Variants in FNBP4 observed in about 807,000 individuals in gnomAD.
The protein encoded by FNBP4 is formin-binding protein 4.
In FNBP4, 34 loss-of-function variants were observed where a neutral mutation model predicts 119.3. The observed-to-expected ratio is 0.28, with a 90% CI of 0.22 to 0.38. FNBP4 has a LOEUF of 0.38. Among genes scored for constraint, FNBP4 ranks in the 10% least tolerant of loss-of-function variants. The probability of loss-of-function intolerance (pLI) is 1.00; values close to 1 mark genes in which losing one functional copy is unlikely to be tolerated. For missense variants in FNBP4, 1,112 were observed against 1,228.9 expected, an observed-to-expected ratio of 0.90 and a Z score of 1.42; for synonymous variants, 462 against 430.6, an observed-to-expected ratio of 1.07 and a Z score of -0.90.
intron 14 of FNBP4, 68 bp downstream of exon 14, chr11:47,723,960 A>T: frequency 1.4e-6 from 2 of 1,405,042 alleles, no homozygotes; most frequent in South Asian, 1.4e-5. Flanking sequence ...TTTAGTTTTT[A>T]TGGCATCTAA....
At chr11:47,740,691 T>C (rs1260671413) in intron 8 of FNBP4, among the ~76,000 whole-genome samples, 1 of 151,608 alleles carries the variant, frequency 6.6e-6, no homozygotes, top group Non-Finnish European at 1.5e-5. Context: ...CCTCCTGGGT[T>C]CAGGTGATTT....
intron 16 of FNBP4, among the ~76,000 whole-genome samples, chr11:47,718,799 G>A (rs1599150461): frequency 6.6e-6 from 1 of 151,776 alleles, no homozygotes; most frequent in Non-Finnish European, 1.5e-5. Context: ...TACTTGCTGT[G>A]TCTAAAGTCT....
intron 8 of FNBP4, among the ~76,000 whole-genome samples, chr11:47,743,495 GA>G (rs947420222): frequency 5.3e-5 from 8 of 150,368 alleles, no homozygotes; most frequent in East Asian, 1.9e-4. Flanking sequence ...AAAAGGAAAA[GA>G]AAAAAAAATA....
At chr11:47,742,316 T>C (rs1313846107) in intron 8 of FNBP4, among the ~76,000 whole-genome samples, 2 of 150,206 alleles carry the variant, frequency 1.3e-5, no homozygotes, top group East Asian at 2.0e-4. Context: ...CCATTTCCAC[T>C]AACAACACAA....
intron 6 of FNBP4, 125 bp from the exon 7 acceptor site, chr11:47,746,519 CTTTTT>C: frequency 1.5e-6 from 1 of 664,906 alleles, no homozygotes; most frequent in Non-Finnish European, 2.3e-6. Flanking sequence ...GTAAAAACGA[CTTTTT>C]TTTTTTTTGA....
chr11:47,741,793 C>T (rs984591329), intron 8 of FNBP4, among the ~76,000 whole-genome samples: 6 of 148,096 alleles, frequency 4.1e-5, no homozygotes, highest in Non-Finnish European at 7.4e-5. Context: ...CCAGCCTGGG[C>T]GACAGAGTAA....
At chr11:47,730,231 G>A (rs778266347) in intron 12 of FNBP4, 11 of 984,966 alleles carry the variant, frequency 1.1e-5, no homozygotes, top group Non-Finnish European at 1.3e-5. Context: ...TATTAGTCAT[G>A]TCTATCACTG....
chr11:47,744,103 C>T lies in FNBP4; in HGVS notation c.1306G>A (p.Asp436Asn). The change falls in exon 8 of 17, where the codon GAT (aspartate) becomes AAT (asparagine). Residue 436 changes from aspartate to asparagine, a missense_variant. Around this residue, in one of 2 missense-constraint regions of FNBP4, gnomAD observed 826 missense variants for 988.8 expected, o/e 0.84. Transcript: ENST00000263773. ...GSVSGSSPRS[D>N]ISQPASQDGM... Reference sequence around the variant, plus strand: ...TCTTGAGATGCTGGCTGGCTGATATCAGAACGTGGACTAGACCCTGACACA... The same window carrying T: ...TCTTGAGATGCTGGCTGGCTGATATTAGAACGTGGACTAGACCCTGACACA... The T allele has an allele frequency of 6.2e-7, 1 of 1,614,160 alleles. No individual in the cohort carries two copies. Among genetic ancestry groups the T allele is most frequent in the East Asian group, 2.2e-5 (1 of 44,884 alleles).
rs775370880 is a variant in FNBP4 at position 47,751,128 on chromosome 11, T to C, written c.785+15A>G. 2.5e-6 allele frequency: 4 copies of C among 1,613,808 alleles called. No homozygotes were observed. In the African/African-American group the frequency reaches 5.3e-5, roughly 22 times the overall value. ...ATTTCCTTCTAGGCAATTTCACTTT[T>C]AAATTTATTCTTACCTGGGCTGGTA... On this transcript the variant is annotated intron_variant, in intron 5 of 16. Coordinates refer to ENST00000263773, the MANE Select transcript of FNBP4 (RefSeq NM_015308.5).
rs374878939 is a variant in FNBP4 at position 47,767,330 on chromosome 11, G to T, written c.-42C>A. 12 of 1,438,098 alleles carry T rather than the reference G, an allele frequency of 8.3e-6. No homozygotes were observed. Among genetic ancestry groups the T allele is most frequent in the Non-Finnish European group, 1.1e-5 (12 of 1,101,776 alleles). 89.1% of individuals were successfully genotyped at this position (1,438,098 alleles called of 1,614,324 possible). ...AGCAGAGAGCGTCGGGCGGCCGAGAGGGGCGGGCACTGGAGGCTGGGCGCT... is the reference window on the plus strand; with the variant it reads ...AGCAGAGAGCGTCGGGCGGCCGAGATGGGCGGGCACTGGAGGCTGGGCGCT... On this transcript the variant is annotated 5_prime_UTR_variant, in exon 1 of 17. Transcript: ENST00000263773.
chr11:47,764,691 G>A (rs752827989), intron 2 of FNBP4, among the ~76,000 whole-genome samples: 1 of 152,094 alleles, frequency 6.6e-6, no homozygotes, highest in Non-Finnish European at 1.5e-5. Flanking sequence ...ACAGAGTAGA[G>A]AAAATTAACA....
chr11:47,724,938 C>A, intron 12 of FNBP4, 160 bp from the exon 13 acceptor site: 1 of 1,118,350 alleles, frequency 8.9e-7, no homozygotes, highest in Non-Finnish European at 1.2e-6. Flanking sequence ...GGAATGGCTC[C>A]TTCCTTGAAA....
At position 47,724,905 on chromosome 11, in the gene FNBP4, C is replaced by T. The variant is rs920730459; in HGVS notation, c.2009-127G>A. ...ACCTAGCACAGTGTACAAAACAATA[C>T]AGAATGTGGTGTCAAACAGCAGGGA... is the stretch of plus-strand genomic sequence containing the variant. On this transcript the variant is annotated intron_variant, in intron 12 of 16. Transcript: ENST00000263773. The T allele has an allele frequency of 1.2e-5, 16 of 1,347,676 alleles. No individual in the cohort carries two copies. In the African/African-American group the frequency reaches 1.3e-4, roughly 11 times the overall value. 83.5% of individuals were successfully genotyped at this position (1,347,676 alleles called of 1,614,324 possible).
intron 2 of FNBP4, among the ~76,000 whole-genome samples, chr11:47,763,997 C>T (rs2097641580): frequency 6.6e-6 from 1 of 152,072 alleles, no homozygotes; most frequent in Non-Finnish European, 1.5e-5. Flanking sequence ...AAATTAAATC[C>T]CCAGTGCAAC....
At chr11:47,720,655 C>T (rs2097554646) in intron 15 of FNBP4, among the ~76,000 whole-genome samples, 1 of 151,606 alleles carries the variant, frequency 6.6e-6, no homozygotes, top group Non-Finnish European at 1.5e-5. Context: ...TATAAACTTC[C>T]TTTAACCTCC....
chr11:47,735,098 A>T (rs2135127470), intron 9 of FNBP4, among the ~76,000 whole-genome samples: 2 of 151,540 alleles, frequency 1.3e-5, no homozygotes, highest in East Asian at 3.9e-4. Flanking sequence ...ACACAAGACA[A>T]CTCTCCAAGG....
chr11:47,741,845 A>C (rs1278143220), intron 8 of FNBP4, among the ~76,000 whole-genome samples: 1 of 152,056 alleles, frequency 6.6e-6, no homozygotes, highest in Non-Finnish European at 1.5e-5. Context: ...AGAATGCACC[A>C]CAATTTATCT....
At chr11:47,747,311 T>C (rs1682168382) in intron 6 of FNBP4, among the ~76,000 whole-genome samples, 1 of 152,164 alleles carries the variant, frequency 6.6e-6, no homozygotes, top group African/African-American at 2.4e-5. Flanking sequence ...TTCAAGCAAT[T>C]TCCCTGCCTC....
intron 15 of FNBP4, among the ~76,000 whole-genome samples, chr11:47,720,499 C>T (rs868629561): frequency 6.7e-6 from 1 of 150,088 alleles, no homozygotes; most frequent in Non-Finnish European, 1.5e-5. Context: ...ACCTGGGAGG[C>T]GGATCTTGCA....
Sources: gnomAD v4.1 joint callset for allele counts (sites outside exome capture counted in the v4.1 genomes callset) on GRCh38, gnomAD v4.1.1 for gene constraint, gnomAD v4.1.1 regional missense constraint, MANE v1.5 for transcripts, NCBI Gene and HGNC (gene_info 2026-07-23, HGNC 2026-07-21) for gene names.